FGF1: variants seen among roughly 807,000 people sequenced by gnomAD.
FGF1 encodes fibroblast growth factor 1.
In FGF1, 9 loss-of-function variants were observed where a neutral mutation model predicts 13.4. The ratio of observed to expected loss-of-function variants is 0.67; its 90% CI spans 0.40 to 1.17. The LOEUF is 1.17. FGF1 is among the 50% of genes most tolerant of loss of function. The pLI is 0.01. For missense variants in FGF1, 156 were observed against 192.7 expected, an observed-to-expected ratio of 0.81 and a Z score of 1.13; for synonymous variants, 93 against 79.0, an observed-to-expected ratio of 1.18 and a Z score of -0.94.
At chr5:142,629,226 G>C (rs1189559758) in intron 1 of FGF1, among the ~76,000 whole-genome samples, 1 of 152,206 alleles carries the variant, frequency 6.6e-6, no homozygotes, top group African/African-American at 2.4e-5. Flanking sequence ...CACGAATACA[G>C]CTCACTGTAG....
intron 1 of FGF1, among the ~76,000 whole-genome samples, chr5:142,620,108 C>A (rs1003992146): frequency 1.3e-5 from 2 of 151,582 alleles, no homozygotes; most frequent in African/African-American, 4.9e-5. Context: ...AGATACCAGA[C>A]AAATGTTAAC....
intron 1 of FGF1, among the ~76,000 whole-genome samples, chr5:142,643,899 T>C (rs1765587982): frequency 1.3e-5 from 2 of 152,234 alleles, no homozygotes; most frequent in Non-Finnish European, 2.9e-5. Flanking sequence ...AATGAAATAA[T>C]GCATGTAAGC....
chr5:142,595,398 C>A lies in FGF1; in HGVS notation c.360G>T (p.Lys120Asn). 2 of 1,614,028 alleles carry A rather than the reference C, an allele frequency of 1.2e-6. No homozygotes were observed. The highest frequency in any genetic ancestry group is 1.1e-5 in the South Asian group (1 of 91,090). The change falls in exon 4 of 4, where the codon AAG becomes AAT. Residue 120 changes from lysine (K) to asparagine (N), a missense_variant. Lys to Asn is a moderately conservative substitution (Grantham distance 94). Transcript: ENST00000337706. Reference sequence around the variant, plus strand: ...TCTTCTTGAGGCCAACAAACCAATTCTTCTCTGCATGCTTCTTGGATATAT... The same window carrying A: ...TCTTCTTGAGGCCAACAAACCAATTATTCTCTGCATGCTTCTTGGATATAT... ...NTYISKKHAEKNWFVGLKKNG... is the reference protein window; with the variant it reads ...NTYISKKHAENNWFVGLKKNG...
chr5:142,607,652 C>A (rs1029519874), intron 2 of FGF1, among the ~76,000 whole-genome samples: 4 of 152,084 alleles, frequency 2.6e-5, no homozygotes, highest in Non-Finnish European at 5.9e-5. Context: ...ACTGTATGTG[C>A]CCGCAATAGA....
chr5:142,615,313 G>A (rs1029157589), intron 1 of FGF1, among the ~76,000 whole-genome samples: 12 of 152,020 alleles, frequency 7.9e-5, no homozygotes, highest in Non-Finnish European at 1.8e-4. Flanking sequence ...GGCCTCCCGG[G>A]TCCCAGTTCA....
At chr5:142,684,347 G>C (rs970867774) in intron 1 of FGF1, among the ~76,000 whole-genome samples, 2 of 152,190 alleles carry the variant, frequency 1.3e-5, no homozygotes, top group African/African-American at 4.8e-5. Flanking sequence ...TTGATCCTTT[G>C]CAGAACTAGT....
At chr5:142,605,094 TTTTG>T (rs1246481435) in intron 2 of FGF1, among the ~76,000 whole-genome samples, 6 of 151,934 alleles carry the variant, frequency 3.9e-5, no homozygotes, top group Admixed American at 6.6e-5. Flanking sequence ...AGGAAGTTTT[TTTTG>T]TTTGTTTGTT....
At chr5:142,638,246 T>C (rs755864828) in intron 1 of FGF1, among the ~76,000 whole-genome samples, 2 of 151,992 alleles carry the variant, frequency 1.3e-5, no homozygotes, top group Non-Finnish European at 2.9e-5. Context: ...ACATGTGCCA[T>C]GCTTACTCTC....
At chr5:142,649,492 T>C (rs1225131612) in intron 1 of FGF1, among the ~76,000 whole-genome samples, 1 of 152,058 alleles carries the variant, frequency 6.6e-6, no homozygotes, top group Non-Finnish European at 1.5e-5. Flanking sequence ...CTGCAAGCTC[T>C]GCCTCCCGGG....
intron 2 of FGF1, among the ~76,000 whole-genome samples, chr5:142,695,140 G>A (rs960381862): frequency 1.3e-5 from 2 of 152,166 alleles, no homozygotes; most frequent in Non-Finnish European, 2.9e-5. Flanking sequence ...TTGAGACTTG[G>A]TTTACCCATC....
intron 3 of FGF1, among the ~76,000 whole-genome samples, chr5:142,600,414 G>A (rs1185346958): frequency 1.3e-5 from 2 of 152,106 alleles, no homozygotes; most frequent in African/African-American, 4.8e-5. Context: ...TGAATGAATG[G>A]AATGGGATTA....
At chr5:142,614,205 G>A (rs1759714740) in intron 1 of FGF1, 44 bp from the exon 2 acceptor site, 1 of 1,500,856 alleles carries the variant, frequency 6.7e-7, no homozygotes, top group African/African-American at 1.4e-5. Flanking sequence ...TTCCAGCAAA[G>A]GCACAAAATG....
At chr5:142,647,285 C>T (rs770217632) in intron 1 of FGF1, among the ~76,000 whole-genome samples, 3 of 152,112 alleles carry the variant, frequency 2.0e-5, no homozygotes, top group Non-Finnish European at 4.4e-5. Flanking sequence ...ACCAACTAGC[C>T]CTCCTCTCTG....
chr5:142,645,627 C>T (rs916129553), intron 1 of FGF1, among the ~76,000 whole-genome samples: 3 of 152,206 alleles, frequency 2.0e-5, no homozygotes, highest in African/African-American at 7.2e-5. Flanking sequence ...CCTACAAATC[C>T]TTATCACAAT....
chr5:142,604,738 T>C (rs116822), intron 2 of FGF1, among the ~76,000 whole-genome samples: 36,534 of 152,132 alleles, frequency 0.24, 4,908 homozygotes, highest in East Asian at 0.33. Context: ...GTGTGTTTTA[T>C]GCAATGTTAT....
chr5:142,671,311 G>A (rs1381049286), intron 1 of FGF1, among the ~76,000 whole-genome samples: 1 of 152,162 alleles, frequency 6.6e-6, no homozygotes, highest in Non-Finnish European at 1.5e-5. Flanking sequence ...TTCTTCTTTG[G>A]TCTGTGTTTT....
intron 1 of FGF1, among the ~76,000 whole-genome samples, chr5:142,675,258 C>T (rs558111131): frequency 6.6e-6 from 1 of 152,220 alleles, no homozygotes; most frequent in African/African-American, 2.4e-5. Context: ...AATCTTCAGG[C>T]CTTAATGAGA....
chr5:142,654,278 C>T (rs1767768050), intron 1 of FGF1, among the ~76,000 whole-genome samples: 1 of 152,034 alleles, frequency 6.6e-6, no homozygotes, highest in South Asian at 2.1e-4. Flanking sequence ...TTTAAGTGAA[C>T]AGCATAATTT....
intron 1 of FGF1, among the ~76,000 whole-genome samples, chr5:142,639,570 A>G (rs559036333): frequency 2.0e-5 from 3 of 151,890 alleles, no homozygotes; most frequent in Non-Finnish European, 4.4e-5. Flanking sequence ...AGCTGGGGAG[A>G]GGTGACTGGA....
Sources: gnomAD v4.1 joint callset for allele counts (sites outside exome capture counted in the v4.1 genomes callset) on GRCh38, gnomAD v4.1.1 for gene constraint, MANE v1.5 for transcripts, NCBI Gene and HGNC (gene_info 2026-07-23, HGNC 2026-07-21) for gene names.